Variants in KREMEN1 observed in about 807,000 individuals in gnomAD.
KREMEN1 encodes kremen protein 1.
KREMEN1 carries 30 observed loss-of-function variants against 46.5 expected under a neutral mutation model. The ratio of observed to expected loss-of-function variants is 0.65; its 90% CI spans 0.48 to 0.88. KREMEN1 has a LOEUF of 0.88. Among genes scored for constraint, KREMEN1 ranks in the 40% least tolerant of loss-of-function variants. The pLI is 0.00. For synonymous variants in KREMEN1, 214 were observed against 230.6 expected, an observed-to-expected ratio of 0.93 and a Z score of 0.65; for missense variants, 533 against 596.9, an observed-to-expected ratio of 0.89 and a Z score of 1.11.
intron 4 of KREMEN1, 23 bp from the exon 5 acceptor site, chr22:29,125,240 G>A: frequency 6.2e-7 from 1 of 1,613,252 alleles, no homozygotes; most frequent in Non-Finnish European, 8.5e-7. Flanking sequence ...TGCTTACCGT[G>A]TGCTGCTTCT....
chr22:29,106,756 A>G (rs2038067203), intron 3 of KREMEN1, among the ~76,000 whole-genome samples: 1 of 152,202 alleles, frequency 6.6e-6, no homozygotes, highest in African/African-American at 2.4e-5. Context: ...TGTTGAGGTC[A>G]TTCTTCAGAA....
At chr22:29,153,656 G>C (rs1267113679) in intron 9 of KREMEN1, among the ~76,000 whole-genome samples, 1 of 152,068 alleles carries the variant, frequency 6.6e-6, no homozygotes, top group African/African-American at 2.4e-5. Flanking sequence ...ACCATGCCTG[G>C]CTCCTTTATA....
rs1238539906 is a variant in KREMEN1, at chr22:29,144,558, A to C, written c.*2446A>C. ...CAGGAGGACCGCTGGAAACATACCAACACGTGCAGTCTCCCCTCCAAGCTA... is the reference window on the plus strand; with the variant it reads ...CAGGAGGACCGCTGGAAACATACCACCACGTGCAGTCTCCCCTCCAAGCTA... On this transcript the variant is annotated 3_prime_UTR_variant, in exon 9 of 9. Coordinates refer to ENST00000400335, the MANE Select transcript of KREMEN1 (RefSeq NM_001039570.3). 3.5e-5 allele frequency: 34 copies of C among 985,398 alleles called. No individual in the cohort carries two copies. Among genetic ancestry groups the C allele is most frequent in the East Asian group, 2.3e-4 (2 of 8,826 alleles). 61.0% of individuals were successfully genotyped at this position (985,398 alleles called of 1,614,324 possible).
Position 29,145,254 on chromosome 22 carries a change from G to C in KREMEN1, c.*3142G>C. ...GGAAACTCCTTAGATGAGATAAAGT[G>C]GGGGTTGGAGGTGGCGAAAAGAGGG... On this transcript the variant is annotated 3_prime_UTR_variant, in exon 9 of 9. Coordinates refer to ENST00000400335, the MANE Select transcript of KREMEN1 (RefSeq NM_001039570.3). 1.0e-6 allele frequency: 1 copy of C among 985,588 alleles called. No individual in the cohort carries two copies. Among genetic ancestry groups the C allele is most frequent in the African/African-American group, 1.7e-5 (1 of 57,370 alleles). The allele number at this position is 985,588 out of a possible 1,614,324, so 61.1% of individuals were successfully genotyped here.
intron 9 of KREMEN1, among the ~76,000 whole-genome samples, chr22:29,162,934 A>G (rs1487888915): frequency 6.6e-6 from 1 of 152,238 alleles, no homozygotes; most frequent in Non-Finnish European, 1.5e-5. Context: ...ATCATAAAAA[A>G]GAATTAAATC....
At chr22:29,128,256 C>T (rs2038476901) in intron 5 of KREMEN1, among the ~76,000 whole-genome samples, 1 of 152,136 alleles carries the variant, frequency 6.6e-6, no homozygotes, top group Non-Finnish European at 1.5e-5. Context: ...TTCAACTTTG[C>T]AGTAGGTTTA....
At chr22:29,088,721 A>G (rs2037766277) in intron 1 of KREMEN1, among the ~76,000 whole-genome samples, 1 of 152,210 alleles carries the variant, frequency 6.6e-6, no homozygotes, top group African/African-American at 2.4e-5. Context: ...ATACAATAAT[A>G]ATTTTTGAAT....
At position 29,142,026 on chromosome 22, in the gene KREMEN1, A is replaced by G. The variant is rs1256622439; in HGVS notation, c.1291A>G (p.Lys431Glu). ...GGGGGAAATCTGGAGCATTTTTTACAAGCCTTCCACTTCAATTTCCATCTT... is the reference window on the plus strand; with the variant it reads ...GGGGGAAATCTGGAGCATTTTTTACGAGCCTTCCACTTCAATTTCCATCTT... ...TSGEIWSIFYKPSTSISIFKK... is the reference protein window; with the variant it reads ...TSGEIWSIFYEPSTSISIFKK... The change falls in exon 9 of 9, where the codon AAG (lysine) becomes GAG (glutamate). Residue 431 changes from lysine to glutamate, a missense_variant. Physicochemically the swap from Lys to Glu is moderately conservative, Grantham distance 56. Transcript: ENST00000400335. 6.2e-7 allele frequency: 1 copy of G among 1,613,434 alleles called. No individual in the cohort carries two copies. The highest frequency in any genetic ancestry group is 1.3e-5 in the African/African-American group (1 of 74,898).
chr22:29,138,719 CG>C lies in KREMEN1; in HGVS notation c.1062del (p.Ser355ProfsTer39). 6.2e-7 allele frequency: 1 copy of C among 1,614,196 alleles called. No individual in the cohort carries two copies. On this transcript the variant is annotated frameshift_variant, in exon 7 of 9. Transcript: ENST00000400335. LOFTEE classifies it high-confidence loss of function. ...EQANLSVSAA[R>X]SSKVLYVITT... ...GGCCAACCTCAGTGTCAGCGCTGCC[CG>C]GTCCTCCAAAGTCCTCTATGTCATC... is the stretch of plus-strand genomic sequence containing the variant.
At chr22:29,133,655 T>G (rs1392716344) in intron 5 of KREMEN1, among the ~76,000 whole-genome samples, 4 of 152,020 alleles carry the variant, frequency 2.6e-5, no homozygotes, top group Admixed American at 6.5e-5. Flanking sequence ...TGTCTGTTTT[T>G]TTTTGTTTGT....
chr22:29,114,965 T>C (rs902841648), intron 3 of KREMEN1, among the ~76,000 whole-genome samples: 2 of 152,204 alleles, frequency 1.3e-5, no homozygotes, highest in South Asian at 4.1e-4. Context: ...TCTAGAATGA[T>C]GTTCCTACAT....
chr22:29,139,725 G>A (rs2038731042), intron 7 of KREMEN1, among the ~76,000 whole-genome samples: 1 of 152,202 alleles, frequency 6.6e-6, no homozygotes, highest in African/African-American at 2.4e-5. Flanking sequence ...GTGAGCCAAG[G>A]AAGTGATGCC....
intron 5 of KREMEN1, among the ~76,000 whole-genome samples, chr22:29,132,753 C>T (rs973359236): frequency 5.9e-5 from 9 of 152,038 alleles, no homozygotes; most frequent in Admixed American, 4.6e-4. Flanking sequence ...AGCTATTGTT[C>T]GAAAAAGCTT....
intron 1 of KREMEN1, among the ~76,000 whole-genome samples, chr22:29,092,829 G>A (rs1039909698): frequency 7.2e-5 from 11 of 152,244 alleles, no homozygotes; most frequent in African/African-American, 2.4e-4. Flanking sequence ...TACAAAATTA[G>A]CTGGGCATGG....
At chr22:29,104,450 C>G (rs970260587) in intron 3 of KREMEN1, among the ~76,000 whole-genome samples, 2 of 152,134 alleles carry the variant, frequency 1.3e-5, no homozygotes, top group Admixed American at 6.5e-5. Flanking sequence ...GCCACCACAC[C>G]CAGCCAATTG....
At chr22:29,115,203 T>C (rs189374709) in intron 3 of KREMEN1, among the ~76,000 whole-genome samples, 1 of 152,338 alleles carries the variant, frequency 6.6e-6, no homozygotes, top group East Asian at 1.9e-4. Context: ...AAACATTGTA[T>C]GTTCTCACTC....
intron 3 of KREMEN1, among the ~76,000 whole-genome samples, chr22:29,115,593 T>C (rs958730214): frequency 1.3e-5 from 2 of 152,178 alleles, no homozygotes; most frequent in Non-Finnish European, 2.9e-5. Context: ...GTGGAAGATA[T>C]AGTCCTGCCC....
chr22:29,144,232 G>C lies in KREMEN1; in HGVS notation c.*2120G>C, dbSNP rs2038817291. The C allele has an allele frequency of 1.0e-6, 1 of 985,570 alleles. No individual in the cohort carries two copies. The highest frequency in any genetic ancestry group is 4.7e-5 in the South Asian group (1 of 21,292). 61.1% of individuals were successfully genotyped at this position (985,570 alleles called of 1,614,324 possible). ...CACTGCCTGCTGGGGCTCCTACTGAGGTTCTGGAAACACCTCTGCACCTGC... is the reference window on the plus strand; with the variant it reads ...CACTGCCTGCTGGGGCTCCTACTGACGTTCTGGAAACACCTCTGCACCTGC... On this transcript the variant is annotated 3_prime_UTR_variant, in exon 9 of 9. Coordinates refer to ENST00000400335, the MANE Select transcript of KREMEN1 (RefSeq NM_001039570.3).
intron 8 of KREMEN1, 130 bp downstream of exon 8, chr22:29,140,496 C>T (rs765941833): frequency 4.7e-5 from 31 of 665,904 alleles, no homozygotes; most frequent in Middle Eastern, 2.5e-4. Flanking sequence ...TCCTAGGGAA[C>T]GGAAGGCAGC....
Sources: gnomAD v4.1 joint callset for allele counts (sites outside exome capture counted in the v4.1 genomes callset) on GRCh38, gnomAD v4.1.1 for gene constraint, MANE v1.5 for transcripts, NCBI Gene and HGNC (gene_info 2026-07-23, HGNC 2026-07-21) for gene names.